IKZF2: variants seen among roughly 807,000 people sequenced by gnomAD.
IKZF2 encodes IKAROS family zinc finger 2, also known as zinc finger protein Helios.
Under a neutral mutation model 49.2 loss-of-function variants are expected in IKZF2, and 15 were observed. That is an observed-to-expected ratio of 0.30 (90% CI 0.20 to 0.47). The LOEUF (loss-of-function observed/expected upper bound fraction) is 0.47, where lower values mean the gene tolerates loss of function less well. Ranked by LOEUF, IKZF2 falls within the 20% of genes least tolerant of loss-of-function variation. The pLI is 1.00. For missense variants in IKZF2, 567 were observed against 664.6 expected (o/e 0.85, Z 1.61); for synonymous variants, 227 against 221.4 (o/e 1.03, Z -0.23).
At chr2:213,029,976 TTGCTGTCCTTTC>T (rs1698234832) in intron 6 of IKZF2, among the ~76,000 whole-genome samples, 1 of 152,170 alleles carries the variant, frequency 6.6e-6, no homozygotes, top group Non-Finnish European at 1.5e-5. Flanking sequence ...AGACATTTGT[TTGCTGTCCTTTC>T]AAATGATCTA....
At chr2:213,057,706 A>C (rs1414133025) in intron 4 of IKZF2, among the ~76,000 whole-genome samples, 1 of 152,140 alleles carries the variant, frequency 6.6e-6, no homozygotes, top group Non-Finnish European at 1.5e-5. Context: ...TAGTACACAG[A>C]CCTCACATGC....
chr2:213,073,184 A>G (rs1328390755), intron 4 of IKZF2, among the ~76,000 whole-genome samples: 1 of 152,164 alleles, frequency 6.6e-6, no homozygotes. Flanking sequence ...ACTCCTTGAA[A>G]AACATCACAA....
At chr2:213,147,997 A>G (rs1480924575) in intron 3 of IKZF2, among the ~76,000 whole-genome samples, 185 bp from the exon 4 acceptor site, 1 of 148,080 alleles carries the variant, frequency 6.8e-6, no homozygotes, top group Non-Finnish European at 1.5e-5. Flanking sequence ...ATGAGAAGCC[A>G]TAATCAACCC....
chr2:213,150,274 A>C (rs2061235890), intron 1 of IKZF2, 27 bp from the exon 2 acceptor site: 1 of 987,764 alleles, frequency 1.0e-6, no homozygotes, highest in African/African-American at 1.7e-5. Flanking sequence ...GGAGAAAGAA[A>C]GAAGTTTTTT....
intron 4 of IKZF2, among the ~76,000 whole-genome samples, chr2:213,139,116 T>C (rs1261174876): frequency 6.6e-6 from 1 of 151,852 alleles, no homozygotes; most frequent in Non-Finnish European, 1.5e-5. Flanking sequence ...AAAGCAGAAA[T>C]ATAAATCACA....
chr2:213,008,423 G>A (rs547872263), intron 8 of IKZF2, among the ~76,000 whole-genome samples: 5 of 152,018 alleles, frequency 3.3e-5, no homozygotes, highest in Admixed American at 6.6e-5. Context: ...GTAGAGATAG[G>A]GTTTTGCCCT....
chr2:213,136,538 T>C (rs1333311409), intron 4 of IKZF2, among the ~76,000 whole-genome samples: 1 of 152,112 alleles, frequency 6.6e-6, no homozygotes, highest in Admixed American at 6.5e-5. Flanking sequence ...TTATCATTGA[T>C]GACAGCTGAT....
At chr2:213,013,657 A>T (rs1282914329) in intron 8 of IKZF2, 134 bp downstream of exon 8, 9 of 769,368 alleles carry the variant, frequency 1.2e-5, no homozygotes, top group Non-Finnish European at 1.8e-5. Context: ...GAGAGTAAAA[A>T]AGAATAATGA....
chr2:213,125,584 T>C (rs1363096850), intron 4 of IKZF2, among the ~76,000 whole-genome samples: 1 of 152,194 alleles, frequency 6.6e-6, no homozygotes, highest in Non-Finnish European at 1.5e-5. Flanking sequence ...TTGGCCACAC[T>C]TTATCTACTA....
At chr2:213,049,682 C>T in intron 6 of IKZF2, 31 bp downstream of exon 6, 1 of 1,501,066 alleles carries the variant, frequency 6.7e-7, no homozygotes, top group Non-Finnish European at 9.0e-7. Context: ...TCCTGTTTTA[C>T]TTTTCTTCTC....
intron 4 of IKZF2, among the ~76,000 whole-genome samples, chr2:213,076,181 C>G (rs1395588631): frequency 6.6e-6 from 1 of 151,866 alleles, no homozygotes; most frequent in Non-Finnish European, 1.5e-5. Flanking sequence ...AACCCCATTA[C>G]AAAACTAATG....
At chr2:213,070,705 A>G (rs775013129) in intron 4 of IKZF2, among the ~76,000 whole-genome samples, 9 of 152,184 alleles carry the variant, frequency 5.9e-5, no homozygotes, top group Non-Finnish European at 1.3e-4. Flanking sequence ...AGACAAGGAC[A>G]GTACAGAACG....
intron 6 of IKZF2, among the ~76,000 whole-genome samples, chr2:213,039,001 G>GT (rs1699338986): frequency 6.6e-6 from 1 of 151,834 alleles, no homozygotes; most frequent in Admixed American, 6.6e-5. Flanking sequence ...AAGCCACATG[G>GT]TAATTTTTTT....
At chr2:213,067,518 T>A (rs1249571593) in intron 4 of IKZF2, among the ~76,000 whole-genome samples, 1 of 152,098 alleles carries the variant, frequency 6.6e-6, no homozygotes, top group Non-Finnish European at 1.5e-5. Context: ...GAACATATCC[T>A]AAAACCACAG....
At chr2:213,118,963 C>T (rs2059963062) in intron 4 of IKZF2, among the ~76,000 whole-genome samples, 1 of 152,274 alleles carries the variant, frequency 6.6e-6, no homozygotes, top group African/African-American at 2.4e-5. Context: ...CACTATAAAA[C>T]AACAGTAATC....
intron 4 of IKZF2, among the ~76,000 whole-genome samples, chr2:213,058,266 T>A (rs971217958): frequency 1.3e-5 from 2 of 152,046 alleles, no homozygotes; most frequent in African/African-American, 4.8e-5. Context: ...TTAAACTGAG[T>A]CTCATGTTTG....
intron 4 of IKZF2, among the ~76,000 whole-genome samples, chr2:213,124,235 TGC>T (rs1491473302): frequency 4.3e-5 from 5 of 115,174 alleles, no homozygotes; most frequent in East Asian, 6.9e-4. Flanking sequence ...CACGCACACA[TGC>T]GCTCGCGCGC....
At chr2:213,022,562 C>T (rs1463828082) in intron 6 of IKZF2, among the ~76,000 whole-genome samples, 2 of 151,858 alleles carry the variant, frequency 1.3e-5, no homozygotes, top group Admixed American at 1.3e-4. Flanking sequence ...ACTTAAAATG[C>T]AACAACTTGA....
At chr2:213,016,774 T>C (rs1696654681) in intron 7 of IKZF2, 1 of 152,102 alleles carries the variant, frequency 6.6e-6, no homozygotes, top group Non-Finnish European at 1.5e-5. Context: ...ACCATAAGTG[T>C]ATTCCCAATG....
Sources: gnomAD v4.1 joint callset for allele counts (sites outside exome capture counted in the v4.1 genomes callset) on GRCh38, gnomAD v4.1.1 for gene constraint, MANE v1.5 for transcripts, NCBI Gene and HGNC (gene_info 2026-07-23, HGNC 2026-07-21) for gene names.